Variants in SLC9A9 observed in about 807,000 individuals in gnomAD.
The protein encoded by SLC9A9 is sodium/hydrogen exchanger 9.
Under a neutral mutation model 77.8 loss-of-function variants are expected in SLC9A9, and 62 were observed. That is an observed-to-expected ratio of 0.80 (90% confidence interval 0.65 to 0.98). The LOEUF is 0.98. SLC9A9 is among the 50% of genes least tolerant of loss of function. The pLI, the probability that SLC9A9 is intolerant of heterozygous loss-of-function variation, is 0.00. For missense variants in SLC9A9, 775 were observed against 774.9 expected (o/e 1.00, Z 0.00); for synonymous variants, 320 against 283.5 (o/e 1.13, Z -1.29).
At chr3:143,826,762 G>A (rs1383448048) in intron 2 of SLC9A9, among the ~76,000 whole-genome samples, 1 of 151,930 alleles carries the variant, frequency 6.6e-6, no homozygotes, top group African/African-American at 2.4e-5. Flanking sequence ...TTTTCCTTCT[G>A]CATGGAATTC....
Position 143,606,436 on chromosome 3 carries a change from C to CTCTCTCTCTCTCTA in SLC9A9, c.756-27714_756-27713insTAGAGAGAGAGAGA, listed in dbSNP as rs1419410834. 4.6e-3 allele frequency among the ~76,000 whole-genome samples: 247 copies of CTCTCTCTCTCTCTA among 54,186 alleles called. 3 individuals carry two copies. The highest frequency in any genetic ancestry group is 5.2e-3 in the Non-Finnish European group (163 of 31,180). The allele number at this position is 54,186 out of a possible 152,430, so 35.5% of individuals were successfully genotyped here. ...TCTCTCTCTCTCTCTCTCTCTCTCT[C>CTCTCTCTCTCTCTA]TATATATATATATATATATATATAT... On this transcript the variant is annotated intron_variant, in intron 6 of 15. Transcript: ENST00000316549.
chr3:143,455,047 T>C (rs550152561), intron 12 of SLC9A9, among the ~76,000 whole-genome samples: 2 of 152,342 alleles, frequency 1.3e-5, no homozygotes, highest in South Asian at 4.1e-4. Context: ...ATCCATCATA[T>C]TTGCAGTTCC....
intron 6 of SLC9A9, among the ~76,000 whole-genome samples, chr3:143,610,773 G>C (rs1298175303): frequency 6.6e-6 from 1 of 152,150 alleles, no homozygotes; most frequent in Non-Finnish European, 1.5e-5. Context: ...ATTATCTGGA[G>C]AAATAGACTG....
intron 4 of SLC9A9, among the ~76,000 whole-genome samples, chr3:143,734,211 TAAAAG>T (rs1409131464): frequency 6.9e-6 from 1 of 144,084 alleles, no homozygotes; most frequent in African/African-American, 2.6e-5. Flanking sequence ...AAAATAATAA[TAAAAG>T]AAAAAAAAAA....
chr3:143,516,193 A>G (rs1242256370), intron 9 of SLC9A9, among the ~76,000 whole-genome samples: 3 of 152,052 alleles, frequency 2.0e-5, no homozygotes, highest in African/African-American at 7.2e-5. Context: ...TTTAATCTCC[A>G]CAGCACCTCC....
intron 14 of SLC9A9, among the ~76,000 whole-genome samples, chr3:143,321,474 A>G (rs1377513186): frequency 6.6e-6 from 1 of 152,096 alleles, no homozygotes; most frequent in African/African-American, 2.4e-5. Context: ...CATTTCTCCC[A>G]GGGTTAGCTT....
At chr3:143,302,509 G>A (rs932547007) in intron 14 of SLC9A9, among the ~76,000 whole-genome samples, 5 of 152,190 alleles carry the variant, frequency 3.3e-5, no homozygotes, top group African/African-American at 1.2e-4. Flanking sequence ...GAAAGGCTGG[G>A]AGTCCTGAAT....
At chr3:143,567,835 G>A (rs1271584684) in intron 8 of SLC9A9, among the ~76,000 whole-genome samples, 1 of 152,170 alleles carries the variant, frequency 6.6e-6, no homozygotes, top group Non-Finnish European at 1.5e-5. Context: ...AATGAACACT[G>A]CAAACTGTCT....
intron 6 of SLC9A9, among the ~76,000 whole-genome samples, chr3:143,625,295 C>T (rs1478273699): frequency 1.3e-5 from 2 of 152,174 alleles, no homozygotes; most frequent in African/African-American, 4.8e-5. Context: ...AAAAAAGAGC[C>T]CGCATTGCCA....
At chr3:143,646,261 A>G (rs527464816) in intron 6 of SLC9A9, among the ~76,000 whole-genome samples, 8 of 149,000 alleles carry the variant, frequency 5.4e-5, no homozygotes, top group African/African-American at 1.7e-4. Flanking sequence ...TACAAATGTT[A>G]TATGTTATTT....
chr3:143,541,403 A>G (rs530654076), intron 9 of SLC9A9, among the ~76,000 whole-genome samples: 4 of 152,326 alleles, frequency 2.6e-5, no homozygotes, highest in Admixed American at 2.0e-4. Flanking sequence ...GGAAGCCCTG[A>G]TCAACAATTT....
intron 4 of SLC9A9, among the ~76,000 whole-genome samples, chr3:143,764,991 C>T (rs2007256757): frequency 6.8e-6 from 1 of 147,178 alleles, no homozygotes; most frequent in Non-Finnish European, 1.5e-5. Context: ...TCCTTCCTTC[C>T]TTCCTTCCTT....
intron 14 of SLC9A9, among the ~76,000 whole-genome samples, chr3:143,356,217 C>T (rs2032579742): frequency 1.3e-5 from 2 of 152,102 alleles, no homozygotes; most frequent in Non-Finnish European, 1.5e-5. Context: ...TGTATTTAGG[C>T]CATAGGGTCT....
At chr3:143,510,325 T>A (rs1263601413) in intron 9 of SLC9A9, among the ~76,000 whole-genome samples, 1 of 152,170 alleles carries the variant, frequency 6.6e-6, no homozygotes, top group African/African-American at 2.4e-5. Flanking sequence ...GAAAGGCAAC[T>A]CAGAACTGTA....
At chr3:143,837,547 T>C (rs1435642860) in intron 1 of SLC9A9, among the ~76,000 whole-genome samples, 3 of 152,172 alleles carry the variant, frequency 2.0e-5, no homozygotes, top group Non-Finnish European at 4.4e-5. Flanking sequence ...TATAATATCA[T>C]ATTTCAAACT....
intron 9 of SLC9A9, among the ~76,000 whole-genome samples, chr3:143,504,639 A>C (rs1236356153): frequency 6.6e-6 from 1 of 152,230 alleles, no homozygotes; most frequent in Non-Finnish European, 1.5e-5. Context: ...TACTTCTAAA[A>C]TAGTAACAAT....
chr3:143,296,077 A>G (rs1224819563), intron 14 of SLC9A9, among the ~76,000 whole-genome samples: 1 of 152,232 alleles, frequency 6.6e-6, no homozygotes, highest in Non-Finnish European at 1.5e-5. Context: ...AAGGATTCTT[A>G]ACAGGAGGCC....
chr3:143,596,992 G>A (rs2037763245), intron 6 of SLC9A9, among the ~76,000 whole-genome samples: 3 of 152,038 alleles, frequency 2.0e-5, no homozygotes, highest in African/African-American at 7.3e-5. Flanking sequence ...CATATGTCAC[G>A]GTAAATCTTT....
intron 12 of SLC9A9, among the ~76,000 whole-genome samples, chr3:143,396,343 A>G (rs2033727431): frequency 8.0e-6 from 1 of 124,276 alleles, no homozygotes; most frequent in Admixed American, 8.5e-5. Flanking sequence ...AACTATCGCA[A>G]GGATAAAAAA....
Sources: allele counts gnomAD v4.1 joint callset (sites outside exome capture counted in the v4.1 genomes callset), GRCh38; gene constraint gnomAD v4.1.1; transcripts MANE v1.5; gene names NCBI Gene and HGNC (gene_info 2026-07-23, HGNC 2026-07-21).